ATP2B2: variants seen among roughly 807,000 people sequenced by gnomAD.
ATP2B2 encodes the protein ATPase plasma membrane Ca2+ transporting 2.
In ATP2B2, 15 loss-of-function variants were observed where a neutral mutation model predicts 120.0. That is an observed-to-expected ratio of 0.12 (90% CI 0.08 to 0.19). ATP2B2 has a LOEUF of 0.19. Among genes scored for constraint, ATP2B2 ranks in the 10% least tolerant of loss-of-function variants. The probability of loss-of-function intolerance (pLI) is 1.00; values close to 1 mark genes in which losing one functional copy is unlikely to be tolerated. For missense variants in ATP2B2, 1,045 were observed against 1,719.8 expected (o/e 0.61, Z 6.94); for synonymous variants, 694 against 700.3 (o/e 0.99, Z 0.14).
chr3:10,500,572 T>C (rs1575419884), intron 1 of ATP2B2, among the ~76,000 whole-genome samples: 1 of 136,810 alleles, frequency 7.3e-6, no homozygotes. Flanking sequence ...CAGGAAGGAG[T>C]GAGGTGAAGA....
rs2059922517 is a variant in ATP2B2, at chr3:10,329,417, G to A, written c.3421-292C>T. ...GAGATGATGGGGAACAGTGGTTAAA[G>A]GAAGCACAGTCGACTCCTGCGGGCA... On this transcript the variant is annotated intron_variant, in intron 22 of 22. Transcript: ENST00000360273. This position sits in a 1 kb window ranked among gnomAD's most constrained non-coding sequence, Gnocchi z 5.9. Among the ~76,000 whole-genome samples, 1 of 152,128 alleles carries A rather than the reference G, an allele frequency of 6.6e-6. No homozygotes were observed. The highest frequency in any genetic ancestry group is 2.1e-4 in the South Asian group (1 of 4,824).
chr3:10,374,075 T>C (rs994829841), intron 11 of ATP2B2, among the ~76,000 whole-genome samples: 7 of 152,194 alleles, frequency 4.6e-5, no homozygotes, highest in African/African-American at 1.7e-4. Flanking sequence ...ACTTTAACAC[T>C]ACCTAAGATG....
chr3:10,705,883 G>A (rs969165742), intron 1 of ATP2B2, among the ~76,000 whole-genome samples: 4 of 152,076 alleles, frequency 2.6e-5, no homozygotes, highest in Admixed American at 6.5e-5. Flanking sequence ...TTTATTAATC[G>A]TGCCCTCTCT....
At chr3:10,394,652 T>G in intron 5 of ATP2B2, 1 of 415,086 alleles carries the variant, frequency 2.4e-6, no homozygotes, top group South Asian at 1.8e-5. Context: ...GGCTCTCCCA[T>G]GCCTGGCCTT....
At chr3:10,558,869 G>T (rs1171886595) in intron 2 of ATP2B2, among the ~76,000 whole-genome samples, 1 of 152,168 alleles carries the variant, frequency 6.6e-6, no homozygotes, top group Non-Finnish European at 1.5e-5. Context: ...GAGGAAAGAG[G>T]AGAGGAGAGA....
intron 3 of ATP2B2, among the ~76,000 whole-genome samples, chr3:10,524,894 T>C (rs1293556123): frequency 6.6e-6 from 1 of 152,054 alleles, no homozygotes; most frequent in Non-Finnish European, 1.5e-5. Context: ...ATTTCTTCCA[T>C]CCTTCATTTT....
intron 5 of ATP2B2, among the ~76,000 whole-genome samples, chr3:10,393,655 G>A (rs941610454): frequency 6.6e-6 from 1 of 152,218 alleles, no homozygotes. Flanking sequence ...GAGCGTGGTG[G>A]GGAGCTGCCA....
At chr3:10,512,487 C>G (rs964429232) in intron 3 of ATP2B2, among the ~76,000 whole-genome samples, 59 of 151,888 alleles carry the variant, frequency 3.9e-4, no homozygotes, top group African/African-American at 1.3e-3. Flanking sequence ...CACACACACA[C>G]ACACACACAC....
At chr3:10,489,991 G>C (rs1292150534) in intron 1 of ATP2B2, among the ~76,000 whole-genome samples, 2 of 152,218 alleles carry the variant, frequency 1.3e-5, no homozygotes, top group African/African-American at 4.8e-5. Flanking sequence ...TGCTCAAGTG[G>C]TGCCTTTGCC....
chr3:10,609,401 C>G (rs1319456344), intron 2 of ATP2B2, among the ~76,000 whole-genome samples: 4 of 152,348 alleles, frequency 2.6e-5, no homozygotes, highest in Admixed American at 2.6e-4. Context: ...CAAGGAGCCT[C>G]CCGGCATCGA....
chr3:10,486,062 A>G (rs2065639212), intron 1 of ATP2B2, among the ~76,000 whole-genome samples: 1 of 152,192 alleles, frequency 6.6e-6, no homozygotes, highest in African/African-American at 2.4e-5. Flanking sequence ...GGACTCAGGC[A>G]TCTCCCCTCA....
At chr3:10,554,373 G>A (rs774190627) in intron 2 of ATP2B2, among the ~76,000 whole-genome samples, 1 of 152,136 alleles carries the variant, frequency 6.6e-6, no homozygotes. Context: ...TATGGCAAAG[G>A]GAAATGAGGG....
At chr3:10,433,485 C>G (rs973328883) in intron 2 of ATP2B2, among the ~76,000 whole-genome samples, 6 of 152,098 alleles carry the variant, frequency 3.9e-5, no homozygotes, top group Non-Finnish European at 7.4e-5. Context: ...TTAGGATACC[C>G]AAAGATAAGT....
intron 3 of ATP2B2, among the ~76,000 whole-genome samples, chr3:10,516,578 T>TAAC (rs2066880527): frequency 6.6e-6 from 1 of 152,208 alleles, no homozygotes; most frequent in Non-Finnish European, 1.5e-5. Context: ...CCTCTGACCT[T>TAAC]TCCAGGTCTA....
At chr3:10,628,142 A>G (rs2069758874) in intron 1 of ATP2B2, among the ~76,000 whole-genome samples, 1 of 152,228 alleles carries the variant, frequency 6.6e-6, no homozygotes, top group African/African-American at 2.4e-5. Context: ...ACAGGAAGCT[A>G]GAGACATGGC....
intron 4 of ATP2B2, among the ~76,000 whole-genome samples, chr3:10,401,440 C>G (rs2062215783): frequency 6.6e-6 from 1 of 152,164 alleles, no homozygotes; most frequent in South Asian, 2.1e-4. Context: ...TGGAAGGAAC[C>G]AGTCTCTCTT....
intron 3 of ATP2B2, among the ~76,000 whole-genome samples, chr3:10,519,501 G>A (rs1053178450): frequency 1.2e-4 from 18 of 152,158 alleles, no homozygotes; most frequent in Non-Finnish European, 4.4e-5. Context: ...CAGCATGGCA[G>A]GGCAGGCTGG....
At chr3:10,390,750 T>A (rs923637388) in intron 5 of ATP2B2, among the ~76,000 whole-genome samples, 2 of 152,118 alleles carry the variant, frequency 1.3e-5, no homozygotes, top group Admixed American at 6.5e-5. Flanking sequence ...ACAGTGCTTT[T>A]TTTCCCCCTT....
intron 1 of ATP2B2, among the ~76,000 whole-genome samples, chr3:10,684,006 T>C (rs1462207572): frequency 1.3e-5 from 2 of 151,714 alleles, no homozygotes; most frequent in African/African-American, 4.8e-5. Flanking sequence ...CATCTACCCT[T>C]GTAGTGAGCA....
Sources: allele counts gnomAD v4.1 joint callset (sites outside exome capture counted in the v4.1 genomes callset), GRCh38; gene constraint gnomAD v4.1.1; non-coding constraint Gnocchi (gnomAD v3.1); transcripts MANE v1.5; gene names NCBI Gene and HGNC (gene_info 2026-07-23, HGNC 2026-07-21).